SFXN2: variants seen among roughly 807,000 people sequenced by gnomAD.
SFXN2 encodes sideroflexin-2.
In SFXN2, 37 loss-of-function variants were observed where a neutral mutation model predicts 41.9. The ratio of observed to expected loss-of-function variants is 0.88; its 90% confidence interval spans 0.68 to 1.16. SFXN2 has a LOEUF of 1.16. SFXN2 is among the 50% of genes most tolerant of loss of function. The probability of loss-of-function intolerance (pLI) is 0.00; values close to 1 mark genes in which losing one functional copy is unlikely to be tolerated. For synonymous variants in SFXN2, 150 were observed against 156.7 expected (o/e 0.96, Z 0.32); for missense variants, 386 against 425.2 (o/e 0.91, Z 0.81).
At chr10:102,732,242 C>G in intron 8 of SFXN2, 24 bp downstream of exon 8, 1 of 1,606,950 alleles carries the variant, frequency 6.2e-7, no homozygotes, top group Non-Finnish European at 8.5e-7. Flanking sequence ...GCCCTTCCAT[C>G]CTGGGGAAGC....
Position 102,740,007 on chromosome 10 carries a change from C to T in SFXN2, c.*2245C>T, listed in dbSNP as rs7092723. ...GTCACTCTGGGCTGGAGCCTGAGAA[C>T]GTGCATTTCTAGTCATTGCCCGGTG... On this transcript the variant is annotated 3_prime_UTR_variant, in exon 12 of 12. Coordinates refer to ENST00000369893, the MANE Select transcript of SFXN2 (RefSeq NM_178858.6). 31,791 of 152,028 alleles carry T rather than the reference C, an allele frequency of 0.21. 3,451 individuals carry two copies. Among genetic ancestry groups the T allele is most frequent in the Middle Eastern group, 0.31 (92 of 294 alleles). 9.4% of individuals were successfully genotyped at this position (152,028 alleles called of 1,614,324 possible).
At chr10:102,715,570 GACAA>G (rs1307435738) in intron 1 of SFXN2, among the ~76,000 whole-genome samples, 2 of 152,154 alleles carry the variant, frequency 1.3e-5, no homozygotes, top group African/African-American at 4.8e-5. Flanking sequence ...CACAGCAGTG[GACAA>G]AATCAGCCCG....
At chr10:102,733,683 A>G in intron 10 of SFXN2, 80 bp downstream of exon 10, 1 of 1,221,004 alleles carries the variant, frequency 8.2e-7, no homozygotes, top group East Asian at 2.3e-5. Context: ...CCCGTGTTGG[A>G]GAACGTGTAC....
rs35153373 is a variant in SFXN2, at chr10:102,726,732, C to T, written c.96C>T (p.Asp32=). Residue 32 remains aspartate, a synonymous_variant, in exon 2 of 12, where the codon GAC becomes GAT. Transcript: ENST00000369893. ...TGAAGCACTTCCTAAACATCACGGA[C>T]CCCCGCACTGTCTTTGTATCTGAGC... The part of the protein sequence containing the change: ...GRVKHFLNIT[D]PRTVFVSERE... 5,248 of 1,614,150 alleles carry T rather than the reference C, an allele frequency of 3.3e-3. 134 individuals are homozygous for T. In the African/African-American group the frequency reaches 0.061, roughly 19 times the overall value.
rs2064803518 is a variant in SFXN2, at chr10:102,737,957, G to C, written c.*195G>C. 5.1e-6 allele frequency: 2 copies of C among 394,208 alleles called. No homozygotes were observed. Among genetic ancestry groups the C allele is most frequent in the Non-Finnish European group, 9.3e-6 (2 of 215,926 alleles). The allele number at this position is 394,208 out of a possible 1,614,324, so 24.4% of individuals were successfully genotyped here. A position where few individuals can be genotyped will look rare whatever the true frequency, so the allele number is the denominator to read the frequency against. On this transcript the variant is annotated 3_prime_UTR_variant, in exon 12 of 12. Transcript: ENST00000369893. ...GACCTCAGGGGAAAAAAGTGAAAAA[G>C]GGTAGCAAAGGCCAATGTCTTCTAG...
chr10:102,735,391 TCCTCCAAGTTGCTCCTGTC>T (rs2064761803), intron 10 of SFXN2, among the ~76,000 whole-genome samples: 1 of 129,584 alleles, frequency 7.7e-6, no homozygotes, highest in Admixed American at 7.8e-5. Context: ...TCCATGCTGT[TCCTCCAAGTTGCTCCTGTC>T]CCTCCATGTC....
intron 1 of SFXN2, among the ~76,000 whole-genome samples, chr10:102,723,211 C>G (rs2064535973): frequency 2.7e-5 from 4 of 149,884 alleles, no homozygotes; most frequent in African/African-American, 9.8e-5. Flanking sequence ...CTCCAAAGTG[C>G]TGAGATTACA....
intron 1 of SFXN2, among the ~76,000 whole-genome samples, chr10:102,721,645 ATATATAT>A (rs1298271743): frequency 6.8e-6 from 1 of 148,092 alleles, no homozygotes; most frequent in Non-Finnish European, 1.5e-5. Flanking sequence ...TATTTAGAAA[ATATATAT>A]TATAGTATAC....
chr10:102,722,329 C>A (rs192737314), intron 1 of SFXN2, among the ~76,000 whole-genome samples: 7 of 152,262 alleles, frequency 4.6e-5, no homozygotes, highest in Admixed American at 6.5e-5. Context: ...TAACACTATA[C>A]CACTGCATGG....
intron 11 of SFXN2, among the ~76,000 whole-genome samples, 190 bp downstream of exon 11, chr10:102,736,099 G>A (rs1034374388): frequency 2.0e-5 from 3 of 152,082 alleles, no homozygotes; most frequent in Non-Finnish European, 2.9e-5. Context: ...ACAGATCTGC[G>A]AGGGGCAGGA....
At chr10:102,733,294 C>G (rs1212343017) in intron 9 of SFXN2, among the ~76,000 whole-genome samples, 1 of 137,302 alleles carries the variant, frequency 7.3e-6, no homozygotes, top group African/African-American at 2.8e-5. Context: ...ACTACAGGTG[C>G]CTGCCACCAC....
chr10:102,726,085 G>A (rs1360908798), intron 1 of SFXN2, among the ~76,000 whole-genome samples: 1 of 152,084 alleles, frequency 6.6e-6, no homozygotes, highest in Non-Finnish European at 1.5e-5. Context: ...GAGTAGCTGG[G>A]ATTACAGGTG....
At chr10:102,724,968 A>G (rs1177151568) in intron 1 of SFXN2, 1 of 150,012 alleles carries the variant, frequency 6.7e-6, no homozygotes, top group Non-Finnish European at 1.5e-5. Flanking sequence ...AAAGCTGGAC[A>G]TGATGTACCC....
chr10:102,737,688 C>T lies in SFXN2; in HGVS notation c.895C>T (p.Pro299Ser). Reference sequence around the variant, plus strand: ...TGAATTGCCAGTTTCCTATCTGGAACCGAAGCTCCAAGACACTATCAAGGC... The same window carrying T: ...TGAATTGCCAGTTTCCTATCTGGAATCGAAGCTCCAAGACACTATCAAGGC... ...KCELPVSYLE[P>S]KLQDTIKAKY... is the part of the protein sequence containing the mutation. The change falls in exon 12 of 12, where the codon CCG becomes TCG. Residue 299 changes from proline (P) to serine (S), a missense_variant. Pro to Ser is a moderately conservative substitution (Grantham distance 74, BLOSUM62 -1). Transcript: ENST00000369893. 1.2e-6 allele frequency: 2 copies of T among 1,612,828 alleles called. No homozygotes were observed. Among genetic ancestry groups the T allele is most frequent in the Non-Finnish European group, 1.7e-6 (2 of 1,178,980 alleles).
rs1347727652 is a variant in SFXN2 at position 102,734,209 on chromosome 10, CAT to C, written c.821+608_821+609del. 6.6e-6 allele frequency among the ~76,000 whole-genome samples: 1 copy of C among 152,138 alleles called. No individual in the cohort carries two copies. Among genetic ancestry groups the C allele is most frequent in the Non-Finnish European group, 1.5e-5 (1 of 68,022 alleles). ...TACAGAAGAGATAAGAACGAGGAGACATAGCTTTGGCTGGGACTGTCATGTGT... is the reference window on the plus strand; with the variant it reads ...TACAGAAGAGATAAGAACGAGGAGACAGCTTTGGCTGGGACTGTCATGTGT... On this transcript the variant is annotated intron_variant, in intron 10 of 11. Transcript: ENST00000369893. The surrounding 1 kb of genome is among the most constrained non-coding windows in gnomAD (Gnocchi z 4.1).
At chr10:102,722,829 G>A (rs1019151717) in intron 1 of SFXN2, among the ~76,000 whole-genome samples, 2 of 151,862 alleles carry the variant, frequency 1.3e-5, no homozygotes, top group African/African-American at 2.4e-5. Flanking sequence ...GATTATAGGT[G>A]TGAACCATCC....
rs1842774031 is a variant in SFXN2 at position 102,740,777 on chromosome 10, T to A, written c.*3015T>A. The A allele has an allele frequency of 6.6e-6, 1 of 152,250 alleles. No individual in the cohort carries two copies. The highest frequency in any genetic ancestry group is 2.1e-4 in the South Asian group (1 of 4,834). The allele number at this position is 152,250 out of a possible 1,614,324, so 9.4% of individuals were successfully genotyped here. A position where few individuals can be genotyped will look rare whatever the true frequency, so the allele number is the denominator to read the frequency against. ...TAGCTGGTGTCTGAACAGAAAAGTC[T>A]GTCTTTGAGCTAGCTTCTTTAGGAC... On this transcript the variant is annotated 3_prime_UTR_variant, in exon 12 of 12. Transcript: ENST00000369893.
Position 102,727,152 on chromosome 10 carries a change from C to T in SFXN2, c.327C>T (p.Phe109=). ...GMIITGFMLQ[F]YRTMPAVIFW... is the part of the protein sequence containing the mutation. Reference sequence around the variant, plus strand: ...TCATCACGGGCTTCATGCTCCAGTTCTACAGGTGGGACCTGGGGGCAGGGC... The same window carrying T: ...TCATCACGGGCTTCATGCTCCAGTTTTACAGGTGGGACCTGGGGGCAGGGC... The change falls in exon 3 of 12, where the codon TTC becomes TTT. Residue 109 remains phenylalanine, a synonymous_variant. Coordinates refer to ENST00000369893, the MANE Select transcript of SFXN2 (RefSeq NM_178858.6). The T allele has an allele frequency of 6.3e-7, 1 of 1,596,952 alleles. No individual in the cohort carries two copies. Among genetic ancestry groups the T allele is most frequent in the South Asian group, 1.1e-5 (1 of 90,720 alleles).
At chr10:102,723,789 C>T (rs576119903) in intron 1 of SFXN2, among the ~76,000 whole-genome samples, 1 of 152,280 alleles carries the variant, frequency 6.6e-6, no homozygotes, top group African/African-American at 2.4e-5. Context: ...CCAAGCCCTT[C>T]TATTAGTATA....
Sources: allele counts gnomAD v4.1 joint callset (sites outside exome capture counted in the v4.1 genomes callset), GRCh38; gene constraint gnomAD v4.1.1; non-coding constraint Gnocchi (gnomAD v3.1); transcripts MANE v1.5; gene names NCBI Gene and HGNC (gene_info 2026-07-23, HGNC 2026-07-21).